Variants in NLRP4 observed in about 807,000 individuals in gnomAD.
NLRP4 encodes the protein NLR family pyrin domain containing 4, also known as NACHT, LRR and PYD domains-containing protein 4.
Under a neutral mutation model 84.7 loss-of-function variants are expected in NLRP4, and 44 were observed. The observed-to-expected ratio is 0.52, with a 90% CI of 0.41 to 0.67. The LOEUF (loss-of-function observed/expected upper bound fraction) is 0.67. NLRP4 is among the 30% of genes least tolerant of loss of function. The pLI is 0.00. For missense variants in NLRP4, 1,260 were observed against 1,219.4 expected (o/e 1.03, Z -0.50); for synonymous variants, 544 against 476.4 (o/e 1.14, Z -1.85).
chr19:55,855,323 C>A lies in NLRP4; in HGVS notation c.281-2351C>A, dbSNP rs987800230. Among the ~76,000 whole-genome samples, 18 of 152,330 alleles carry A rather than the reference C, an allele frequency of 1.2e-4. 1 individual carries two copies. Among genetic ancestry groups the A allele is most frequent in the African/African-American group, 4.3e-4 (18 of 41,572 alleles). On this transcript the variant is annotated intron_variant, in intron 2 of 9. Coordinates refer to ENST00000301295, the MANE Select transcript of NLRP4 (RefSeq NM_134444.5). ...TTAGATCTTCCACTGGGTACTTACA[C>A]TTCTCTCTTTTCACAGTTGGTTTGA... is the stretch of plus-strand genomic sequence containing the variant.
intron 2 of NLRP4, among the ~76,000 whole-genome samples, chr19:55,856,282 C>A (rs945530570): frequency 2.6e-5 from 4 of 152,158 alleles, no homozygotes; most frequent in African/African-American, 9.7e-5. Flanking sequence ...GCGTGAGCCA[C>A]TGCGCCCAGC....
intron 7 of NLRP4, among the ~76,000 whole-genome samples, chr19:55,871,366 G>A (rs980022677): frequency 2.6e-5 from 4 of 152,160 alleles, no homozygotes; most frequent in African/African-American, 9.7e-5. Flanking sequence ...AGGTAGAAGG[G>A]TAAAACGTGA....
At chr19:55,837,694 A>G (rs1213209701) in intron 1 of NLRP4, among the ~76,000 whole-genome samples, 1 of 152,026 alleles carries the variant, frequency 6.6e-6, no homozygotes, top group Non-Finnish European at 1.5e-5. Flanking sequence ...GCGAGGTCAT[A>G]CTGGAGTGAG....
rs377367398 is a variant in NLRP4, at chr19:55,861,479, C to T, written c.1950C>T (p.Leu650=). The change falls in exon 4 of 10, where the codon CTC becomes CTT. Residue 650 remains leucine (L), a synonymous_variant. Coordinates refer to ENST00000301295, the MANE Select transcript of NLRP4 (RefSeq NM_134444.5). ...LRELQVQDST[L]SESTFVTWCN... is the part of the protein sequence containing the mutation. The stretch of plus-strand genomic sequence containing the variant: ...AGCTCCAGGTGCAGGACAGCACCCT[C>T]AGCGAGTCGACCTTTGTGACCTGGT... The T allele has an allele frequency of 9.0e-5, 146 of 1,614,048 alleles. No homozygotes were observed. Among genetic ancestry groups the T allele is most frequent in the Non-Finnish European group, 1.2e-4 (137 of 1,179,984 alleles).
chr19:55,858,944 G>GT lies in NLRP4; in HGVS notation c.1557dup (p.Gly520TrpfsTer40), dbSNP rs1984596225. 2 of 1,613,928 alleles carry GT rather than the reference G, an allele frequency of 1.2e-6. No individual in the cohort carries two copies. The highest frequency in any genetic ancestry group is 1.7e-6 in the Non-Finnish European group (2 of 1,179,950). ...AAAAGGAACAAGAAAAACTGGATGC[G>GT]TTTTTTGGCTTCCAACTGTCCCAAG... On this transcript the variant is annotated frameshift_variant, in exon 3 of 10. Transcript: ENST00000301295. LOFTEE classifies it high-confidence loss of function. The surrounding 1 kb of genome is among the most constrained non-coding windows in gnomAD (Gnocchi z 4.2).
intron 7 of NLRP4, among the ~76,000 whole-genome samples, chr19:55,873,378 G>C (rs146652859): frequency 6.6e-6 from 1 of 151,890 alleles, no homozygotes; most frequent in Non-Finnish European, 1.5e-5. Flanking sequence ...AAAAATTCCC[G>C]ATCCAAAAAA....
intron 1 of NLRP4, among the ~76,000 whole-genome samples, chr19:55,839,399 G>GA: frequency 6.7e-6 from 1 of 149,340 alleles, no homozygotes; most frequent in Middle Eastern, 3.5e-3. Context: ...TTAGATTCTG[G>GA]AAAAATAATT....
chr19:55,878,522 C>T (rs1441933340), intron 8 of NLRP4, among the ~76,000 whole-genome samples: 1 of 152,286 alleles, frequency 6.6e-6, no homozygotes, highest in East Asian at 1.9e-4. Flanking sequence ...GTTATATTAT[C>T]CAAAGCAAGG....
intron 1 of NLRP4, among the ~76,000 whole-genome samples, chr19:55,837,394 A>G (rs1028795873): frequency 6.6e-6 from 1 of 152,150 alleles, no homozygotes; most frequent in Non-Finnish European, 1.5e-5. Context: ...ATAAGATATT[A>G]AGTATATTCA....
rs1984618799 is a variant in NLRP4, at chr19:55,859,252, G to A, written c.1856+3G>A. 1.9e-6 allele frequency: 3 copies of A among 1,585,972 alleles called. No homozygotes were observed. Among genetic ancestry groups the A allele is most frequent in the Non-Finnish European group, 2.6e-6 (3 of 1,162,266 alleles). ...AAAGAGGATGAACACAGCTCTACGT[G>A]AGTCCATCCTATGACTTTTTCTCTC... On this transcript the variant is annotated splice_donor_region_variant and intron_variant, in intron 3 of 9. Transcript: ENST00000301295.
At chr19:55,857,533 A>G in intron 2 of NLRP4, 141 bp from the exon 3 acceptor site, 1 of 664,584 alleles carries the variant, frequency 1.5e-6, no homozygotes, top group Non-Finnish European at 2.6e-6. Flanking sequence ...AACTTTATTT[A>G]CAAGAGGAGA....
chr19:55,867,700 T>C lies in NLRP4; in HGVS notation c.2187-9T>C. 1 of 1,611,314 alleles carries C rather than the reference T, an allele frequency of 6.2e-7. No homozygotes were observed. Among genetic ancestry groups the C allele is most frequent in the East Asian group, 2.2e-5 (1 of 44,880 alleles). Reference sequence around the variant, plus strand: ...ACCAACAGAATGTGACATTTTCCCTTTCCTGCAGGCTGGTAAATTGTCACC... The same window carrying C: ...ACCAACAGAATGTGACATTTTCCCTCTCCTGCAGGCTGGTAAATTGTCACC... On this transcript the variant is annotated splice_polypyrimidine_tract_variant and intron_variant, in intron 5 of 9. Transcript: ENST00000301295.
At chr19:55,853,969 CCT>C (rs1984308441) in intron 2 of NLRP4, among the ~76,000 whole-genome samples, 7 of 138,192 alleles carry the variant, frequency 5.1e-5, no homozygotes, top group African/African-American at 1.6e-4. Flanking sequence ...TTCTCTCTTT[CCT>C]TCTTTCTTTC....
intron 1 of NLRP4, among the ~76,000 whole-genome samples, chr19:55,849,320 A>T (rs995628198): frequency 5.0e-4 from 76 of 152,308 alleles, no homozygotes; most frequent in African/African-American, 1.8e-3. Context: ...GGTATCTGTT[A>T]TGCTTCCAGG....
intron 1 of NLRP4, among the ~76,000 whole-genome samples, chr19:55,845,598 C>A (rs1204999250): frequency 1.3e-5 from 2 of 151,970 alleles, no homozygotes. Flanking sequence ...TGAGGAATCA[C>A]CACACCGACT....
At chr19:55,851,310 C>T (rs988895270) in intron 1 of NLRP4, among the ~76,000 whole-genome samples, 1 of 59,304 alleles carries the variant, frequency 1.7e-5, no homozygotes. Flanking sequence ...GTGTAATGTC[C>T]GAGGCTGCGG....
chr19:55,881,515 G>A lies in NLRP4; in HGVS notation c.2913G>A (p.Thr971=), dbSNP rs151127663. ...ATGAGGAAACCCAGGCACTTCTGACGGCTGAGGAAGAGAGAAATCCTAACC... is the reference window on the plus strand; with the variant it reads ...ATGAGGAAACCCAGGCACTTCTGACAGCTGAGGAAGAGAGAAATCCTAACC... ...DFDEETQALL[T]AEEERNPNLT... Residue 971 remains threonine, a synonymous_variant, in exon 10 of 10, where the codon ACG becomes ACA. Coordinates refer to ENST00000301295, the MANE Select transcript of NLRP4 (RefSeq NM_134444.5). 642 of 1,610,414 alleles carry A rather than the reference G, an allele frequency of 4.0e-4. 3 individuals are homozygous for A. In the African/African-American group the frequency reaches 8.0e-3, roughly 20 times the overall value.
chr19:55,857,947 C>A lies in NLRP4; in HGVS notation c.554C>A (p.Thr185Lys). 3 of 1,614,076 alleles carry A rather than the reference C, an allele frequency of 1.9e-6. No homozygotes were observed. Among genetic ancestry groups the A allele is most frequent in the African/African-American group, 1.3e-5 (1 of 75,032 alleles). Residue 185 changes from threonine to lysine, a missense_variant, in exon 3 of 10, where the codon ACG (threonine) becomes AAG (lysine). Around this residue, in one of 3 missense-constraint regions of NLRP4, gnomAD observed 712 missense variants for 669.2 expected, o/e 1.06. Coordinates refer to ENST00000301295, the MANE Select transcript of NLRP4 (RefSeq NM_134444.5). ...NKIFRDRFLY[T>K]FYFCCRELRE... ...ATCTTTCGGGATAGGTTCCTGTACA[C>A]GTTCTATTTCTGCTGCAGAGAACTG... is the stretch of plus-strand genomic sequence containing the variant.
Position 55,877,052 on chromosome 19 carries a change from T to A in NLRP4, c.2582T>A (p.Ile861Asn), listed in dbSNP as rs1985399506. 6.2e-7 allele frequency: 1 copy of A among 1,613,960 alleles called. No homozygotes were observed. Among genetic ancestry groups the A allele is most frequent in the African/African-American group, 1.3e-5 (1 of 74,918 alleles). Residue 861 changes from isoleucine to asparagine, a missense_variant, in exon 8 of 10, where the codon ATC becomes AAC. Physicochemically the swap from Ile to Asn is moderately radical, Grantham distance 149. Transcript: ENST00000301295. Reference protein sequence around the residue: ...AGCEDLASALISNQNLKILQI... With the variant: ...AGCEDLASALNSNQNLKILQI... Reference sequence around the variant, plus strand: ...TGTGAAGACCTCGCCTCTGCTCTCATCAGCAATCAAAACCTGAAGATTCTG... The same window carrying A: ...TGTGAAGACCTCGCCTCTGCTCTCAACAGCAATCAAAACCTGAAGATTCTG...
Sources: gnomAD v4.1 joint callset for allele counts (sites outside exome capture counted in the v4.1 genomes callset) on GRCh38, gnomAD v4.1.1 for gene constraint, gnomAD v4.1.1 regional missense constraint, Gnocchi (gnomAD v3.1) non-coding constraint, MANE v1.5 for transcripts, NCBI Gene and HGNC (gene_info 2026-07-23, HGNC 2026-07-21) for gene names.